Variants in ARHGAP24 observed in about 807,000 individuals in gnomAD.
ARHGAP24 encodes rho GTPase-activating protein 24.
A neutral mutation model predicts 76.4 loss-of-function variants in ARHGAP24; 50 were observed. The observed-to-expected ratio is 0.65, with a 90% CI of 0.52 to 0.83. The LOEUF is 0.83. Among genes scored for constraint, ARHGAP24 ranks in the 40% least tolerant of loss-of-function variants. The probability of loss-of-function intolerance (pLI) is 0.00; values close to 1 mark genes in which losing one functional copy is unlikely to be tolerated. For missense variants in ARHGAP24, 930 were observed against 914.2 expected (o/e 1.02, Z -0.22); for synonymous variants, 345 against 323.3 (o/e 1.07, Z -0.72).
chr4:85,769,392 T>C (rs1236728975), intron 3 of ARHGAP24, among the ~76,000 whole-genome samples: 4 of 152,312 alleles, frequency 2.6e-5, no homozygotes, highest in Admixed American at 6.5e-5. Flanking sequence ...AGATTTTTTT[T>C]GTGGGAAAAG....
At chr4:85,506,823 G>GCAT (rs1347613335) in intron 1 of ARHGAP24, among the ~76,000 whole-genome samples, 1 of 152,146 alleles carries the variant, frequency 6.6e-6, no homozygotes, top group Non-Finnish European at 1.5e-5. Flanking sequence ...CCCGTCTTCT[G>GCAT]CATCAGTCAC....
intron 2 of ARHGAP24, among the ~76,000 whole-genome samples, chr4:85,643,760 G>A (rs1027946556): frequency 1.3e-5 from 2 of 151,934 alleles, no homozygotes; most frequent in African/African-American, 4.8e-5. Context: ...TTTTGATATT[G>A]GTTTTCAGCA....
chr4:85,643,904 G>A (rs1721624211), intron 2 of ARHGAP24, among the ~76,000 whole-genome samples: 1 of 152,184 alleles, frequency 6.6e-6, no homozygotes, highest in South Asian at 2.1e-4. Context: ...AGATTAGCCT[G>A]AAGTCTGATT....
intron 2 of ARHGAP24, among the ~76,000 whole-genome samples, chr4:85,602,998 T>C (rs1283663248): frequency 9.2e-5 from 14 of 152,230 alleles, no homozygotes; most frequent in Admixed American, 9.2e-4. Flanking sequence ...TTCAAGCTAA[T>C]AAAAATGCAC....
intron 2 of ARHGAP24, among the ~76,000 whole-genome samples, chr4:85,707,272 C>T (rs995633472): frequency 2.6e-5 from 4 of 152,130 alleles, no homozygotes; most frequent in African/African-American, 9.7e-5. Flanking sequence ...TACACCCATG[C>T]AAGGATATAT....
At chr4:85,499,709 T>G (rs1723725419) in intron 1 of ARHGAP24, among the ~76,000 whole-genome samples, 1 of 152,162 alleles carries the variant, frequency 6.6e-6, no homozygotes. Context: ...AAGAAACATT[T>G]GGCTTAAAGA....
At chr4:85,841,550 A>T (rs1415471365) in intron 3 of ARHGAP24, among the ~76,000 whole-genome samples, 1 of 152,224 alleles carries the variant, frequency 6.6e-6, no homozygotes, top group Non-Finnish European at 1.5e-5. Context: ...TGTTATCATT[A>T]TATTTTACTA....
chr4:85,626,169 T>A (rs1720946340), intron 2 of ARHGAP24, among the ~76,000 whole-genome samples: 1 of 152,228 alleles, frequency 6.6e-6, no homozygotes, highest in Non-Finnish European at 1.5e-5. Context: ...CTAGCCTTGA[T>A]GGTCTTTACA....
chr4:85,747,257 C>A lies in ARHGAP24; in HGVS notation c.268+25285C>A, dbSNP rs141726147. The stretch of plus-strand genomic sequence containing the variant: ...TTAAAATGTGATCATATTAAAATAT[C>A]TTTAGAGTAGAAAGTATCTTGTATA... On this transcript the variant is annotated intron_variant, in intron 3 of 9. Transcript: ENST00000395184. 6.6e-5 allele frequency among the ~76,000 whole-genome samples: 10 copies of A among 152,152 alleles called. No homozygotes were observed. The East Asian group carries it at 1.7e-3, about 26-fold the overall frequency.
intron 3 of ARHGAP24, among the ~76,000 whole-genome samples, chr4:85,808,319 G>T (rs1728876896): frequency 6.6e-6 from 1 of 152,118 alleles, no homozygotes; most frequent in African/African-American, 2.4e-5. Context: ...ACTCCCAGCA[G>T]CATTGTTTTG....
At chr4:85,834,620 C>T (rs776836032) in intron 3 of ARHGAP24, among the ~76,000 whole-genome samples, 2 of 152,154 alleles carry the variant, frequency 1.3e-5, no homozygotes, top group African/African-American at 2.4e-5. Flanking sequence ...CCTGTCAAAA[C>T]GGAGAGAAGA....
At chr4:85,541,073 C>G (rs1007673805) in intron 1 of ARHGAP24, among the ~76,000 whole-genome samples, 4 of 138,656 alleles carry the variant, frequency 2.9e-5, no homozygotes, top group Non-Finnish European at 6.0e-5. Flanking sequence ...TTCACTGATC[C>G]TATTGCTGTG....
At chr4:85,996,284 C>T (rs983954361) in intron 9 of ARHGAP24, among the ~76,000 whole-genome samples, 1 of 151,942 alleles carries the variant, frequency 6.6e-6, no homozygotes, top group Non-Finnish European at 1.5e-5. Flanking sequence ...AGAGGGGTGA[C>T]GTGAAGTATG....
At chr4:85,779,480 C>A (rs1727441559) in intron 3 of ARHGAP24, among the ~76,000 whole-genome samples, 1 of 152,064 alleles carries the variant, frequency 6.6e-6, no homozygotes, top group Non-Finnish European at 1.5e-5. Context: ...GTAGATCTGA[C>A]CTGGGAAACA....
chr4:85,731,268 G>T (rs934891743), intron 3 of ARHGAP24, among the ~76,000 whole-genome samples: 14 of 152,120 alleles, frequency 9.2e-5, no homozygotes, highest in African/African-American at 3.4e-4. Context: ...AAGAAATGGG[G>T]TTATAGGTTT....
intron 4 of ARHGAP24, among the ~76,000 whole-genome samples, chr4:85,940,058 A>C (rs949634341): frequency 6.6e-6 from 1 of 152,176 alleles, no homozygotes; most frequent in Non-Finnish European, 1.5e-5. Flanking sequence ...TTGTTTTCAA[A>C]GCTCTCCACA....
chr4:85,807,012 CAA>C (rs1728819004), intron 3 of ARHGAP24, among the ~76,000 whole-genome samples: 1 of 152,264 alleles, frequency 6.6e-6, no homozygotes, highest in South Asian at 2.1e-4. Context: ...CCCAATGCCA[CAA>C]AGATATTTTC....
intron 1 of ARHGAP24, among the ~76,000 whole-genome samples, chr4:85,537,918 T>G (rs926358741): frequency 5.9e-5 from 9 of 152,130 alleles, no homozygotes; most frequent in African/African-American, 2.2e-4. Flanking sequence ...TTTCTGACCT[T>G]GATGGAAAGA....
Position 85,818,060 on chromosome 4 carries a change from A to T in ARHGAP24, c.268+96088A>T, listed in dbSNP as rs74555133. Among the ~76,000 whole-genome samples the T allele has an allele frequency of 9.1e-4, 139 of 152,366 alleles. 1 individual carries two copies. In the East Asian group the frequency reaches 0.021, roughly 23 times the overall value. ...CACATAGAAAATATGCAGATGGTTTAAATGACATTATATCAAGAAGTTGCA... is the reference window on the plus strand; with the variant it reads ...CACATAGAAAATATGCAGATGGTTTTAATGACATTATATCAAGAAGTTGCA... On this transcript the variant is annotated intron_variant, in intron 3 of 9. Transcript: ENST00000395184.
Sources: allele counts gnomAD v4.1 joint callset (sites outside exome capture counted in the v4.1 genomes callset), GRCh38; gene constraint gnomAD v4.1.1; transcripts MANE v1.5; gene names NCBI Gene and HGNC (gene_info 2026-07-23, HGNC 2026-07-21).